FCHSD2: variants seen among roughly 807,000 people sequenced by gnomAD.
FCHSD2 encodes F-BAR and double SH3 domains protein 2.
Under a neutral mutation model 108.1 loss-of-function variants are expected in FCHSD2, and 38 were observed. The ratio of observed to expected loss-of-function variants is 0.35; its 90% CI spans 0.27 to 0.46. The LOEUF is 0.46. FCHSD2 is among the 20% of genes least tolerant of loss of function. FCHSD2 has a pLI of 1.00. For synonymous variants in FCHSD2, 279 were observed against 314.7 expected, an observed-to-expected ratio of 0.89 and a Z score of 1.20; for missense variants, 751 against 897.8, an observed-to-expected ratio of 0.84 and a Z score of 2.09.
intron 8 of FCHSD2, among the ~76,000 whole-genome samples, chr11:72,936,167 T>G (rs1046277505): frequency 6.6e-6 from 1 of 152,188 alleles, no homozygotes; most frequent in Non-Finnish European, 1.5e-5. Context: ...GTATGGTATG[T>G]GTAAATGGTG....
intron 5 of FCHSD2, 50 bp downstream of exon 5, chr11:73,000,940 G>C: frequency 6.8e-7 from 1 of 1,476,976 alleles, no homozygotes; most frequent in Non-Finnish European, 9.2e-7. Flanking sequence ...GATTATAAAT[G>C]TAGCACTGGG....
intron 8 of FCHSD2, among the ~76,000 whole-genome samples, chr11:72,934,637 A>C (rs574323643): frequency 1.3e-5 from 2 of 152,224 alleles, no homozygotes; most frequent in Admixed American, 6.5e-5. Flanking sequence ...CTTGGCCATA[A>C]ATTTCTTAAT....
intron 2 of FCHSD2, among the ~76,000 whole-genome samples, chr11:73,130,178 A>G (rs561816780): frequency 6.6e-6 from 1 of 152,124 alleles, no homozygotes. Context: ...CTGGCCCATA[A>G]TCTCTTATAT....
intron 2 of FCHSD2, among the ~76,000 whole-genome samples, chr11:73,091,694 T>C (rs188282848): frequency 1.3e-5 from 2 of 152,340 alleles, no homozygotes; most frequent in Non-Finnish European, 2.9e-5. Flanking sequence ...ATGTGGTCTT[T>C]TCCACTTGGA....
At chr11:73,005,015 T>C (rs1367041663) in intron 4 of FCHSD2, among the ~76,000 whole-genome samples, 1 of 152,214 alleles carries the variant, frequency 6.6e-6, no homozygotes, top group Non-Finnish European at 1.5e-5. Context: ...ACGAACTACC[T>C]GTGCTCTGAA....
chr11:73,094,677 A>G (rs1860035535), intron 2 of FCHSD2, among the ~76,000 whole-genome samples: 1 of 152,238 alleles, frequency 6.6e-6, no homozygotes, highest in Non-Finnish European at 1.5e-5. Flanking sequence ...TTAGTATATA[A>G]AAATATTTAT....
intron 3 of FCHSD2, among the ~76,000 whole-genome samples, chr11:73,049,707 A>T: frequency 6.6e-6 from 1 of 150,506 alleles, no homozygotes; most frequent in East Asian, 1.9e-4. Flanking sequence ...AAAAAGAAAA[A>T]GGGGGAAAGA....
At chr11:72,941,996 A>G (rs1856428956) in intron 8 of FCHSD2, among the ~76,000 whole-genome samples, 2 of 152,330 alleles carry the variant, frequency 1.3e-5, no homozygotes, top group East Asian at 1.9e-4. Flanking sequence ...TTAAAATCAC[A>G]TTTTCAAGTA....
chr11:72,887,419 T>G, intron 12 of FCHSD2, 51 bp downstream of exon 12: 1 of 1,109,584 alleles, frequency 9.0e-7, no homozygotes, highest in East Asian at 2.4e-5. Flanking sequence ...ATCACAGCTG[T>G]GACAGTGTCA....
intron 4 of FCHSD2, among the ~76,000 whole-genome samples, chr11:73,014,507 C>A (rs747637868): frequency 9.9e-5 from 15 of 152,142 alleles, no homozygotes; most frequent in Admixed American, 2.0e-4. Context: ...AGACACCTTC[C>A]ATGATATCAG....
chr11:73,053,921 T>C (rs1453189831), intron 3 of FCHSD2, among the ~76,000 whole-genome samples: 1 of 152,244 alleles, frequency 6.6e-6, no homozygotes, highest in Non-Finnish European at 1.5e-5. Flanking sequence ...CTAAAAATTT[T>C]AACCATGTAT....
intron 8 of FCHSD2, among the ~76,000 whole-genome samples, chr11:72,955,044 G>C (rs1856686983): frequency 6.6e-6 from 1 of 152,180 alleles, no homozygotes; most frequent in Non-Finnish European, 1.5e-5. Context: ...TTCCCTGGCA[G>C]ATACCAGCTG....
At chr11:72,963,417 G>A (rs943164739) in intron 8 of FCHSD2, among the ~76,000 whole-genome samples, 1 of 152,078 alleles carries the variant, frequency 6.6e-6, no homozygotes, top group Non-Finnish European at 1.5e-5. Flanking sequence ...CATACAGAAG[G>A]GAAATAATTT....
At chr11:72,854,121 T>C (rs1861362416) in intron 13 of FCHSD2, among the ~76,000 whole-genome samples, 1 of 152,242 alleles carries the variant, frequency 6.6e-6, no homozygotes, top group African/African-American at 2.4e-5. Context: ...TTTTATACAC[T>C]GCTGGTAGGA....
intron 14 of FCHSD2, among the ~76,000 whole-genome samples, chr11:72,849,518 G>A (rs1197053710): frequency 1.3e-5 from 2 of 152,220 alleles, no homozygotes; most frequent in East Asian, 1.9e-4. Context: ...GAGCTTCAAT[G>A]AGGAGCAGGG....
chr11:72,843,144 TCTTTACCA>T lies in FCHSD2; in HGVS notation c.1704_1705+6del. 1.2e-6 allele frequency: 2 copies of T among 1,613,698 alleles called. No individual in the cohort carries two copies. Among genetic ancestry groups the T allele is most frequent in the Non-Finnish European group, 1.7e-6 (2 of 1,179,736 alleles). ...CCAAATAAAGAGTGCCTTGTTTCAG[TCTTTACCA>T]CTGGCATCTCCGTTGAGGCTGCCTG... On this transcript the variant is annotated splice_donor_variant and splice_donor_5th_base_variant and coding_sequence_variant and intron_variant, in exon 16 of 20. Coordinates refer to ENST00000409418, the MANE Select transcript of FCHSD2 (RefSeq NM_014824.3). LOFTEE classifies it high-confidence loss of function.
chr11:72,948,808 G>A (rs1487623199), intron 8 of FCHSD2, among the ~76,000 whole-genome samples: 6 of 152,010 alleles, frequency 3.9e-5, no homozygotes, highest in African/African-American at 1.4e-4. Context: ...TGGGACTACA[G>A]GTGCCCGCCA....
At chr11:73,058,535 T>G (rs1253630613) in intron 3 of FCHSD2, among the ~76,000 whole-genome samples, 1 of 152,078 alleles carries the variant, frequency 6.6e-6, no homozygotes, top group Admixed American at 6.6e-5. Flanking sequence ...TTAACAAAAC[T>G]TCTTGGCTAT....
chr11:72,850,955 C>T (rs1004681285), intron 13 of FCHSD2, among the ~76,000 whole-genome samples: 40 of 151,620 alleles, frequency 2.6e-4, no homozygotes, highest in African/African-American at 9.2e-4. Context: ...AAAATATAGC[C>T]AGGCATGGTG....
Sources: gnomAD v4.1 joint callset for allele counts (sites outside exome capture counted in the v4.1 genomes callset) on GRCh38, gnomAD v4.1.1 for gene constraint, MANE v1.5 for transcripts, NCBI Gene and HGNC (gene_info 2026-07-23, HGNC 2026-07-21) for gene names.